Variants in CYB5R3 observed in about 807,000 individuals in gnomAD.
CYB5R3 encodes NADH-cytochrome b5 reductase 3.
A neutral mutation model predicts 36.5 loss-of-function variants in CYB5R3; 28 were observed. The ratio of observed to expected loss-of-function variants is 0.77; its 90% CI spans 0.57 to 1.05. The LOEUF (loss-of-function observed/expected upper bound fraction) is 1.05. Among genes scored for constraint, CYB5R3 ranks in the 50% least tolerant of loss-of-function variants. The pLI, the probability that CYB5R3 is intolerant of heterozygous loss-of-function variation, is 0.00. For missense variants in CYB5R3, 474 were observed against 408.9 expected (o/e 1.16, Z -1.37); for synonymous variants, 181 against 159.8 (o/e 1.13, Z -1.00).
chr22:42,621,406 C>T (rs538798939), intron 8 of CYB5R3, among the ~76,000 whole-genome samples: 5 of 152,252 alleles, frequency 3.3e-5, no homozygotes, highest in African/African-American at 9.6e-5. Context: ...CTGTACCTGT[C>T]CTGAAAGTGG....
At chr22:42,640,877 G>C (rs1702288745) in intron 1 of CYB5R3, among the ~76,000 whole-genome samples, 2 of 151,128 alleles carry the variant, frequency 1.3e-5, no homozygotes, top group South Asian at 4.2e-4. Context: ...TTTATTTTTT[G>C]AGACGGAGTC....
chr22:42,644,145 C>CA (rs966269591), intron 1 of CYB5R3, among the ~76,000 whole-genome samples: 3 of 152,112 alleles, frequency 2.0e-5, no homozygotes, highest in Admixed American at 2.0e-4. Flanking sequence ...AGTGGACTCT[C>CA]AATGTCCAGC....
intron 3 of CYB5R3, 189 bp from the exon 4 acceptor site, chr22:42,631,177 C>T (rs1928596175): frequency 1.3e-6 from 1 of 746,426 alleles, no homozygotes; most frequent in Non-Finnish European, 2.3e-6. Context: ...TGCCTTCACT[C>T]CTGCTGGTGC....
chr22:42,634,210 A>C (rs1265031515), intron 2 of CYB5R3, among the ~76,000 whole-genome samples: 1 of 151,080 alleles, frequency 6.6e-6, no homozygotes, highest in Non-Finnish European at 1.5e-5. Flanking sequence ...AAAAAAAAAA[A>C]ATTAGCAGGG....
At chr22:42,623,712 C>G in intron 8 of CYB5R3, 77 bp downstream of exon 8, 1 of 1,279,554 alleles carries the variant, frequency 7.8e-7, no homozygotes, top group Non-Finnish European at 1.1e-6. Context: ...AAAGGCTCAA[C>G]GCCACAAACA....
intron 7 of CYB5R3, among the ~76,000 whole-genome samples, chr22:42,624,573 C>G (rs1348797499): frequency 1.3e-5 from 2 of 151,412 alleles, no homozygotes; most frequent in Non-Finnish European, 3.0e-5. Context: ...GGGATCTCCC[C>G]CTGAATCCCC....
At chr22:42,633,035 A>C (rs1324227869) in intron 2 of CYB5R3, 1 of 152,368 alleles carries the variant, frequency 6.6e-6, no homozygotes, top group Non-Finnish European at 1.5e-5. Flanking sequence ...CAAAAAAAAG[A>C]ATAGAAATGA....
At chr22:42,638,693 C>A (rs556501030) in intron 1 of CYB5R3, among the ~76,000 whole-genome samples, 67 of 133,736 alleles carry the variant, frequency 5.0e-4, no homozygotes, top group African/African-American at 1.9e-3. Flanking sequence ...GATCACACCA[C>A]CACACTCCAG....
rs960481618 is a variant in CYB5R3 at position 42,644,608 on chromosome 22, GA to G, written c.21+4686del. ...TTTTCACAGCCCCTGGTCCCTTCTG[GA>G]AACTCCCTGGGGCAAGTACTATTCC... On this transcript the variant is annotated intron_variant, in intron 1 of 8. Transcript: ENST00000352397. 5.4e-6 allele frequency: 8 copies of G among 1,490,878 alleles called. No homozygotes were observed. In the South Asian group the frequency reaches 9.1e-5, roughly 17 times the overall value. The allele number at this position is 1,490,878 out of a possible 1,614,324, so 92.4% of individuals were successfully genotyped here. A position where few individuals can be genotyped will look rare whatever the true frequency, so the allele number is the denominator to read the frequency against.
rs138497656 is a variant in CYB5R3 at position 42,640,879 on chromosome 22, G to C, written c.22-4033C>G. Among the ~76,000 whole-genome samples, 42 of 151,656 alleles carry C rather than the reference G, an allele frequency of 2.8e-4. No individual in the cohort carries two copies. The East Asian group carries it at 8.2e-3, about 30-fold the overall frequency. On this transcript the variant is annotated intron_variant, in intron 1 of 8. Coordinates refer to ENST00000352397, the MANE Select transcript of CYB5R3 (RefSeq NM_000398.7). ...TTTTTTCTCTTTATTTATTTTTTGA[G>C]ACGGAGTCTTGCTGTCACCCAGGCT...
chr22:42,636,389 C>A (rs1928892437), intron 2 of CYB5R3, among the ~76,000 whole-genome samples: 1 of 152,070 alleles, frequency 6.6e-6, no homozygotes. Context: ...AGGGAGGAGA[C>A]CTTATCTTCA....
intron 1 of CYB5R3, among the ~76,000 whole-genome samples, chr22:42,648,558 C>T (rs1929630253): frequency 1.3e-5 from 2 of 151,896 alleles, no homozygotes; most frequent in African/African-American, 4.9e-5. Flanking sequence ...CCGGCGGCAG[C>T]GTTGTGGGAC....
At chr22:42,638,971 T>C (rs992236883) in intron 1 of CYB5R3, 3 of 366,280 alleles carry the variant, frequency 8.2e-6, no homozygotes, top group Non-Finnish European at 1.6e-5. Context: ...GAGATGGAGG[T>C]TGCAGTGAGC....
chr22:42,642,067 T>C (rs545612743), intron 1 of CYB5R3, among the ~76,000 whole-genome samples: 24 of 152,202 alleles, frequency 1.6e-4, no homozygotes, highest in Non-Finnish European at 2.4e-4. Flanking sequence ...AAAGCAAATG[T>C]AGCAAATAAT....
chr22:42,636,762 G>C lies in CYB5R3; in HGVS notation c.106C>G (p.Leu36Val). Residue 36 changes from leucine (L) to valine (V), a missense_variant, in exon 2 of 9, where the codon CTC (leucine) becomes GTC (valine). Coordinates refer to ENST00000352397, the MANE Select transcript of CYB5R3 (RefSeq NM_000398.7). ...GGGTACTTGATGTCCGGGCTCTCGA[G>C]GGTGATGGCTGGCGTGGAGCGCTGG... The part of the protein sequence containing the change: ...LFQRSTPAIT[L>V]ESPDIKYPLR... The C allele has an allele frequency of 6.2e-7, 1 of 1,613,826 alleles. No homozygotes were observed. Among genetic ancestry groups the C allele is most frequent in the South Asian group, 1.1e-5 (1 of 91,072 alleles).
rs1374571248 is a variant in CYB5R3, at chr22:42,619,527, C to A, written c.*246G>T. Reference sequence around the variant, plus strand: ...TCATGAGGACAGGGATGGGGCTGGGCGTCTCTGGTAAGGACCAGTAAGTGC... The same window carrying A: ...TCATGAGGACAGGGATGGGGCTGGGAGTCTCTGGTAAGGACCAGTAAGTGC... On this transcript the variant is annotated 3_prime_UTR_variant, in exon 9 of 9. Coordinates refer to ENST00000352397, the MANE Select transcript of CYB5R3 (RefSeq NM_000398.7). The A allele has an allele frequency of 1.8e-6, 1 of 567,130 alleles. No homozygotes were observed. 35.1% of individuals were successfully genotyped at this position (567,130 alleles called of 1,614,324 possible). A position where few individuals can be genotyped will look rare whatever the true frequency, so the allele number is the denominator to read the frequency against.
At chr22:42,648,689 G>A (rs1178914562) in intron 1 of CYB5R3, among the ~76,000 whole-genome samples, 1 of 152,188 alleles carries the variant, frequency 6.6e-6, no homozygotes, top group African/African-American at 2.4e-5. Context: ...CTTGATGGGA[G>A]CCTGGCCCAC....
intron 4 of CYB5R3, 87 bp from the exon 5 acceptor site, chr22:42,628,368 T>G: frequency 6.5e-7 from 1 of 1,550,294 alleles, no homozygotes; most frequent in South Asian, 1.1e-5. Flanking sequence ...GTGCCTCTTC[T>G]GCAGCTTCTT....
intron 1 of CYB5R3, among the ~76,000 whole-genome samples, chr22:42,639,339 G>A (rs1293841136): frequency 7.5e-6 from 1 of 133,766 alleles, no homozygotes; most frequent in African/African-American, 3.0e-5. Flanking sequence ...AAAAAAAAGT[G>A]GGGGGGGACC....
Sources: gnomAD v4.1 joint callset for allele counts (sites outside exome capture counted in the v4.1 genomes callset) on GRCh38, gnomAD v4.1.1 for gene constraint, MANE v1.5 for transcripts, NCBI Gene and HGNC (gene_info 2026-07-23, HGNC 2026-07-21) for gene names.